ACTN4: variants seen among roughly 807,000 people sequenced by gnomAD.
ACTN4 encodes the protein alpha-actinin-4.
Under a neutral mutation model 114.2 loss-of-function variants are expected in ACTN4, and 18 were observed. The ratio of observed to expected loss-of-function variants is 0.16; its 90% CI spans 0.11 to 0.23. ACTN4 has a LOEUF of 0.23. Among genes scored for constraint, ACTN4 ranks in the 10% least tolerant of loss-of-function variants. The pLI, the probability that ACTN4 is intolerant of heterozygous loss-of-function variation, is 1.00. For missense variants in ACTN4, 722 were observed against 1,262.9 expected (o/e 0.57, Z 6.49); for synonymous variants, 515 against 506.3 (o/e 1.02, Z -0.23).
chr19:38,703,930 G>A lies in ACTN4; in HGVS notation c.398-1004G>A, dbSNP rs74449234. Among the ~76,000 whole-genome samples the A allele has an allele frequency of 6.2e-4, 94 of 152,280 alleles. 1 individual carries two copies. The highest frequency in any genetic ancestry group is 2.9e-4 in the African/African-American group (12 of 41,566). ...GGCGTGCTTTGTGAGTGGACAGAGC[G>A]TATCAAAGCAAGAAAGAGCCTGGCT... is the stretch of plus-strand genomic sequence containing the variant. On this transcript the variant is annotated intron_variant, in intron 3 of 20. Coordinates refer to ENST00000252699, the MANE Select transcript of ACTN4 (RefSeq NM_004924.6).
At position 38,729,454 on chromosome 19, in the gene ACTN4, C is replaced by T; in HGVS notation, c.*22C>T. The T allele has an allele frequency of 6.2e-7, 1 of 1,612,362 alleles. No individual in the cohort carries two copies. The highest frequency in any genetic ancestry group is 8.5e-7 in the Non-Finnish European group (1 of 1,179,768). On this transcript the variant is annotated 3_prime_UTR_variant, in exon 21 of 21. Coordinates refer to ENST00000252699, the MANE Select transcript of ACTN4 (RefSeq NM_004924.6). ...GTGAGGCCCCAGAGACCTGACCCAACACCCCCGACGGCCTCCAGGAGGGGC... is the reference window on the plus strand; with the variant it reads ...GTGAGGCCCCAGAGACCTGACCCAATACCCCCGACGGCCTCCAGGAGGGGC...
At chr19:38,711,444 G>T in intron 8 of ACTN4, 1 of 715,620 alleles carries the variant, frequency 1.4e-6, no homozygotes, top group Non-Finnish European at 1.7e-6. Context: ...GGCCATCTGT[G>T]GTTGGAGCCC....
At chr19:38,689,139 C>T (rs957110825) in intron 1 of ACTN4, among the ~76,000 whole-genome samples, 4 of 152,144 alleles carry the variant, frequency 2.6e-5, no homozygotes, top group Admixed American at 2.0e-4. Flanking sequence ...TGAATATTCA[C>T]GGTGGTGCTA....
chr19:38,694,264 C>CT (rs563718301), intron 1 of ACTN4, among the ~76,000 whole-genome samples: 23,683 of 143,666 alleles, frequency 0.16, 2,092 homozygotes, highest in Middle Eastern at 0.36. Context: ...CTGGGGCCTT[C>CT]TTTTTTTTTT....
intron 7 of ACTN4, 93 bp from the exon 8 acceptor site, chr19:38,710,164 A>C (rs1599835751): frequency 7.4e-7 from 1 of 1,354,372 alleles, no homozygotes; most frequent in Non-Finnish European, 1.1e-6. Context: ...CTCTCCCCCA[A>C]GGCCGTGGCC....
rs1969458735 is a variant in ACTN4, at chr19:38,730,160, A to AACT, written c.*730_*732dup. ...AAAAAAAAAATCACAAAAACAAAAA[A>AACT]ACTATAAAAAAGAAAGAATTAAAAA... On this transcript the variant is annotated 3_prime_UTR_variant, in exon 21 of 21. Coordinates refer to ENST00000252699, the MANE Select transcript of ACTN4 (RefSeq NM_004924.6). 6.4e-6 allele frequency: 1 copy of AACT among 155,606 alleles called. No homozygotes were observed. Among genetic ancestry groups the AACT allele is most frequent in the Non-Finnish European group, 1.4e-5 (1 of 70,186 alleles). The allele number at this position is 155,606 out of a possible 1,614,324, so 9.6% of individuals were successfully genotyped here.
In ACTN4 at chr19:38,709,408, C is replaced by G. The variant is rs1033018062; in HGVS notation, c.665C>G (p.Thr222Ser). Residue 222 changes from threonine (T) to serine (S), a missense_variant, in exon 7 of 21, where the codon ACC (threonine) becomes AGC (serine). Around this residue, in one of 3 missense-constraint regions of ACTN4, gnomAD observed 127 missense variants for 311.3 expected, o/e 0.41. Transcript: ENST00000252699. ...GCCTCCTTCTAGGACGACCCTGTCA[C>G]CAACCTGAACAATGCCTTCGAAGTG... ...YDKLRKDDPV[T>S]NLNNAFEVAE... 1.4e-5 allele frequency: 23 copies of G among 1,614,090 alleles called. No homozygotes were observed. Among genetic ancestry groups the G allele is most frequent in the Non-Finnish European group, 1.9e-5 (23 of 1,180,018 alleles).
Position 38,647,899 on chromosome 19 carries a change from C to T in ACTN4, c.154C>T (p.Gln52Ter). The T allele has an allele frequency of 1.3e-6, 2 of 1,504,744 alleles. No homozygotes were observed. Among genetic ancestry groups the T allele is most frequent in the Non-Finnish European group, 1.8e-6 (2 of 1,125,048 alleles). 93.2% of individuals were successfully genotyped at this position (1,504,744 alleles called of 1,614,324 possible). Residue 52 changes from glutamine (Q) to a stop codon, truncating the protein, a stop_gained, in exon 1 of 21, where the codon CAG (glutamine) becomes TAG (stop). Transcript: ENST00000252699. LOFTEE classifies it high-confidence loss of function. Reference sequence around the variant, plus strand: ...GCTGGACCCGGCCTGGGAGAAGCAGCAGCGCAAGGTGCGCGGCCCGCGGGC... The same window carrying T: ...GCTGGACCCGGCCTGGGAGAAGCAGTAGCGCAAGGTGCGCGGCCCGCGGGC... ...LLLDPAWEKQ[Q>*]RKTFTAWCNS... is the part of the protein sequence containing the mutation.
Position 38,659,570 on chromosome 19 carries a change from A to G in ACTN4, c.162+11663A>G, listed in dbSNP as rs918221454. On this transcript the variant is annotated intron_variant, in intron 1 of 20. Transcript: ENST00000252699. ...TTGACCATAAAAATATAAGACTCAC[A>G]GCGCACCGAGTTCTCTTAGCAGCTA... 4.6e-5 allele frequency among the ~76,000 whole-genome samples: 7 copies of G among 152,198 alleles called. 1 individual carries two copies. Among genetic ancestry groups the G allele is most frequent in the African/African-American group, 1.7e-4 (7 of 41,440 alleles).
At chr19:38,726,860 C>G (rs1052987070) in intron 17 of ACTN4, 97 bp from the exon 18 acceptor site, 2 of 1,552,406 alleles carry the variant, frequency 1.3e-6, no homozygotes, top group Non-Finnish European at 1.7e-6. Context: ...GGGGCTTTCC[C>G]CAGGGCGGGA....
intron 1 of ACTN4, among the ~76,000 whole-genome samples, chr19:38,665,425 G>A (rs1966926940): frequency 6.6e-6 from 1 of 152,200 alleles, no homozygotes; most frequent in Non-Finnish European, 1.5e-5. Context: ...CTCAATAAAT[G>A]CAGCTTCCCA....
At chr19:38,713,545 G>C (rs1400479886) in intron 8 of ACTN4, among the ~76,000 whole-genome samples, 1 of 152,198 alleles carries the variant, frequency 6.6e-6, no homozygotes, top group East Asian at 1.9e-4. Context: ...GCATGGCGCG[G>C]GGTGTGCACG....
At chr19:38,673,784 ATT>A (rs58144950) in intron 1 of ACTN4, among the ~76,000 whole-genome samples, 17,711 of 67,552 alleles carry the variant, frequency 0.26, 4,222 homozygotes, top group Non-Finnish European at 0.37. Context: ...TATATGTATA[ATT>A]TTTTTTTTTT....
At chr19:38,688,390 CAAAAAA>C (rs35793948) in intron 1 of ACTN4, among the ~76,000 whole-genome samples, 6 of 81,130 alleles carry the variant, frequency 7.4e-5, no homozygotes, top group Non-Finnish European at 1.1e-4. Flanking sequence ...TTGTCTCTAC[CAAAAAA>C]AAAAAAAAAA....
At position 38,706,096 on chromosome 19, in the gene ACTN4, G is replaced by A. The variant is rs11553600; in HGVS notation, c.537G>A (p.Pro179=). Residue 179 remains proline, a synonymous_variant, in exon 5 of 21, where the codon CCG becomes CCA. Coordinates refer to ENST00000252699, the MANE Select transcript of ACTN4 (RefSeq NM_004924.6). The part of the protein sequence containing the change: ...LLLWCQRKTA[P]YKNVNVQNFH... ...TCTGGTGCCAGAGAAAGACAGCCCCGTATAAGAACGTCAATGTGCAGAACT... is the reference window on the plus strand; with the variant it reads ...TCTGGTGCCAGAGAAAGACAGCCCCATATAAGAACGTCAATGTGCAGAACT... 274,076 of 1,613,962 alleles carry A rather than the reference G, an allele frequency of 0.17. 24,878 individuals carry two copies. The highest frequency in any genetic ancestry group is 0.33 in the Middle Eastern group (1,971 of 6,062).
chr19:38,686,782 G>T (rs111303391), intron 1 of ACTN4, among the ~76,000 whole-genome samples: 7 of 151,950 alleles, frequency 4.6e-5, no homozygotes, highest in Admixed American at 6.6e-5. Context: ...GAGTGGTTTG[G>T]GTTGGTTGGT....
At chr19:38,699,788 G>A (rs1968208345) in intron 1 of ACTN4, among the ~76,000 whole-genome samples, 1 of 151,926 alleles carries the variant, frequency 6.6e-6, no homozygotes, top group Admixed American at 6.6e-5. Context: ...GAATAGGAAG[G>A]ATAGGGCATG....
At chr19:38,663,464 G>A (rs537337691) in intron 1 of ACTN4, among the ~76,000 whole-genome samples, 3 of 152,262 alleles carry the variant, frequency 2.0e-5, no homozygotes, top group African/African-American at 7.2e-5. Context: ...GACACTAAAC[G>A]GCACACCGAC....
chr19:38,664,253 G>A (rs773909793), intron 1 of ACTN4, among the ~76,000 whole-genome samples: 5 of 151,724 alleles, frequency 3.3e-5, no homozygotes, highest in Admixed American at 1.3e-4. Flanking sequence ...GGAACTTAGC[G>A]TTCCCATCCC....
Sources: allele counts gnomAD v4.1 joint callset (sites outside exome capture counted in the v4.1 genomes callset), GRCh38; gene constraint gnomAD v4.1.1; regional missense constraint gnomAD v4.1.1; transcripts MANE v1.5; gene names NCBI Gene and HGNC (gene_info 2026-07-23, HGNC 2026-07-21).